Variants in CHODL observed in about 807,000 individuals in gnomAD.
CHODL encodes chondrolectin, also known as transmembrane protein MT75.
Under a neutral mutation model 34.5 loss-of-function variants are expected in CHODL, and 29 were observed. The ratio of observed to expected loss-of-function variants is 0.84; its 90% CI spans 0.63 to 1.15. CHODL has a LOEUF of 1.15. Among genes scored for constraint, CHODL ranks in the 50% most tolerant of loss-of-function variants. The pLI is 0.00. For synonymous variants in CHODL, 125 were observed against 116.1 expected (o/e 1.08, Z -0.49); for missense variants, 332 against 332.5 (o/e 1.00, Z 0.01).
chr21:18,178,856 A>G (rs1210062518), intron 2 of CHODL, among the ~76,000 whole-genome samples: 2 of 152,166 alleles, frequency 1.3e-5, no homozygotes, highest in Admixed American at 6.5e-5. Flanking sequence ...TTAGTCATGT[A>G]TGTTAGAAAG....
intron 2 of CHODL, among the ~76,000 whole-genome samples, chr21:18,084,159 C>T (rs914538353): frequency 1.3e-5 from 2 of 152,184 alleles, no homozygotes; most frequent in African/African-American, 2.4e-5. Context: ...GTGTGTGGCA[C>T]AGCTCCTTTC....
chr21:18,026,981 A>C (rs1249333032), intron 1 of CHODL, among the ~76,000 whole-genome samples: 1 of 152,168 alleles, frequency 6.6e-6, no homozygotes, highest in Non-Finnish European at 1.5e-5. Flanking sequence ...AATACCTTTA[A>C]ATTTATCTGT....
chr21:18,080,196 GT>G (rs1259721127), intron 2 of CHODL, among the ~76,000 whole-genome samples: 1 of 151,968 alleles, frequency 6.6e-6, no homozygotes, highest in Non-Finnish European at 1.5e-5. Context: ...TTTATTTCTT[GT>G]TGAACTATTT....
rs1264618377 is a variant in CHODL, at chr21:18,266,001, C to G, written c.785C>G (p.Ser262Ter). The change falls in exon 6 of 6, where the codon TCA (serine) becomes TGA (stop). Residue 262 changes from serine to a stop codon, truncating the protein, a stop_gained. Coordinates refer to ENST00000299295, the MANE Select transcript of CHODL (RefSeq NM_024944.3). LOFTEE classifies it high-confidence loss of function. ...CCAAACCAGTCTACACTGTGGATTTCAAAGAGTACCAGAAAAGAAAGTGGC... is the reference window on the plus strand; with the variant it reads ...CCAAACCAGTCTACACTGTGGATTTGAAAGAGTACCAGAAAAGAAAGTGGC... Reference protein sequence around the residue: ...TSPNQSTLWISKSTRKESGME... With the variant: ...TSPNQSTLWI 1 of 1,613,422 alleles carries G rather than the reference C, an allele frequency of 6.2e-7. No individual in the cohort carries two copies. The highest frequency in any genetic ancestry group is 8.5e-7 in the Non-Finnish European group (1 of 1,179,700).
chr21:17,989,047 A>G (rs1568832653), intron 1 of CHODL, among the ~76,000 whole-genome samples: 1 of 152,210 alleles, frequency 6.6e-6, no homozygotes, highest in Non-Finnish European at 1.5e-5. Flanking sequence ...GAGAAAAGTA[A>G]TGTTTGCCAA....
In CHODL at chr21:17,974,815, G is replaced by T. The variant is rs537431071; in HGVS notation, c.-144-53057G>T. On this transcript the variant is annotated intron_variant, in intron 1 of 6. Transcript: ENST00000400127. ...AATCACTAACAAAAGGCTCATTAATGAATCAATAAATATGGAAAATGAACT... is the reference window on the plus strand; with the variant it reads ...AATCACTAACAAAAGGCTCATTAATTAATCAATAAATATGGAAAATGAACT... Among the ~76,000 whole-genome samples the T allele has an allele frequency of 9.3e-5, 14 of 151,180 alleles. No individual in the cohort carries two copies. In the South Asian group the frequency reaches 2.7e-3, roughly 29 times the overall value.
At chr21:18,033,004 G>C (rs1402436701) in intron 2 of CHODL, among the ~76,000 whole-genome samples, 1 of 152,012 alleles carries the variant, frequency 6.6e-6, no homozygotes, top group Non-Finnish European at 1.5e-5. Context: ...AAGGGAGAGA[G>C]TAAGTATAAA....
chr21:18,093,682 A>G (rs945329955), intron 2 of CHODL, among the ~76,000 whole-genome samples: 1 of 152,170 alleles, frequency 6.6e-6, no homozygotes, highest in Non-Finnish European at 1.5e-5. Flanking sequence ...AATAGATTAT[A>G]TGACAGTATT....
At chr21:18,084,825 A>AT (rs368266395) in intron 2 of CHODL, among the ~76,000 whole-genome samples, 1 of 151,244 alleles carries the variant, frequency 6.6e-6, no homozygotes, top group Non-Finnish European at 1.5e-5. Context: ...TTACTTGCTT[A>AT]TTTTTTGTCT....
At chr21:18,102,845 A>C (rs1000140816) in intron 2 of CHODL, among the ~76,000 whole-genome samples, 4 of 152,186 alleles carry the variant, frequency 2.6e-5, no homozygotes, top group Non-Finnish European at 5.9e-5. Context: ...GAAAAATGGG[A>C]TGCTATAAAA....
At chr21:17,979,975 G>A (rs1430181013) in intron 1 of CHODL, among the ~76,000 whole-genome samples, 1 of 152,104 alleles carries the variant, frequency 6.6e-6, no homozygotes, top group Non-Finnish European at 1.5e-5. Context: ...TCTATTCCAT[G>A]AGGTTTCTTT....
chr21:18,175,913 G>T (rs1314305254), intron 2 of CHODL, among the ~76,000 whole-genome samples: 20 of 152,160 alleles, frequency 1.3e-4, no homozygotes, highest in Admixed American at 1.3e-3. Flanking sequence ...CAACATCATT[G>T]TGGCAATGGA....
chr21:17,960,037 C>T (rs1014952330), intron 1 of CHODL, among the ~76,000 whole-genome samples: 3 of 152,098 alleles, frequency 2.0e-5, no homozygotes, highest in African/African-American at 7.2e-5. Context: ...GAAGAGTTGA[C>T]AGAGAAGCCT....
chr21:18,038,518 C>T (rs928537247), intron 2 of CHODL, among the ~76,000 whole-genome samples: 2 of 151,642 alleles, frequency 1.3e-5, no homozygotes, highest in African/African-American at 4.8e-5. Context: ...AGATAGTTTG[C>T]TGAATTTTTA....
At position 18,077,769 on chromosome 21, in the gene CHODL, C is replaced by T. The variant is rs8132948; in HGVS notation, c.-45+49798C>T. Among the ~76,000 whole-genome samples, 982 of 152,206 alleles carry T rather than the reference C, an allele frequency of 6.5e-3. 7 individuals carry two copies. Among genetic ancestry groups the T allele is most frequent in the African/African-American group, 0.022 (906 of 41,538 alleles). On this transcript the variant is annotated intron_variant, in intron 2 of 6. Transcript: ENST00000400127. The stretch of plus-strand genomic sequence containing the variant: ...CTTGATCTTGGACTTCCAAGCCTCC[C>T]GAATTGTGAGAAATAAATTTCTGTG...
intron 2 of CHODL, among the ~76,000 whole-genome samples, chr21:18,119,182 G>GTGTCTTT (rs1412845816): frequency 1.3e-5 from 2 of 151,904 alleles, no homozygotes; most frequent in East Asian, 3.9e-4. Flanking sequence ...CTCAACATAA[G>GTGTCTTT]GAACATACCC....
intron 2 of CHODL, among the ~76,000 whole-genome samples, chr21:18,087,967 A>C (rs2065027097): frequency 6.6e-6 from 1 of 152,192 alleles, no homozygotes; most frequent in African/African-American, 2.4e-5. Flanking sequence ...CACGATCTTC[A>C]CATGATGGAG....
rs1040193703 is a variant in CHODL, at chr21:18,245,066, G to C, written c.-158G>C. On this transcript the variant is annotated 5_prime_UTR_variant, in exon 1 of 6. Transcript: ENST00000299295. ...GCGCGGCAGGCGGCAGGTCCCGGCC[G>C]AAGGCGATGCGCGCAGGGGGTCGGG... is the stretch of plus-strand genomic sequence containing the variant. 3.4e-6 allele frequency: 2 copies of C among 582,236 alleles called. No individual in the cohort carries two copies. Among genetic ancestry groups the C allele is most frequent in the East Asian group, 7.1e-5 (2 of 28,086 alleles). The allele number at this position is 582,236 out of a possible 1,614,324, so 36.1% of individuals were successfully genotyped here.
chr21:18,212,155 T>A, intron 2 of CHODL, among the ~76,000 whole-genome samples: 1 of 152,238 alleles, frequency 6.6e-6, no homozygotes, highest in East Asian at 1.9e-4. Context: ...TGAACACTGA[T>A]GTCTAATATG....
Sources: allele counts gnomAD v4.1 joint callset (sites outside exome capture counted in the v4.1 genomes callset), GRCh38; gene constraint gnomAD v4.1.1; transcripts MANE v1.5; gene names NCBI Gene and HGNC (gene_info 2026-07-23, HGNC 2026-07-21).